SLC39A11: variants seen among roughly 807,000 people sequenced by gnomAD.
SLC39A11 encodes the protein solute carrier family 39 member 11.
Under a neutral mutation model 36.1 loss-of-function variants are expected in SLC39A11, and 33 were observed. The observed-to-expected ratio is 0.91, with a 90% confidence interval of 0.69 to 1.22. The LOEUF (loss-of-function observed/expected upper bound fraction) is 1.22. Among genes scored for constraint, SLC39A11 ranks in the 50% most tolerant of loss-of-function variants. SLC39A11 has a pLI of 0.00. For synonymous variants in SLC39A11, 166 were observed against 170.3 expected (o/e 0.97, Z 0.20); for missense variants, 432 against 430.3 (o/e 1.00, Z -0.03).
At chr17:72,995,025 A>G (rs898227068) in intron 4 of SLC39A11, among the ~76,000 whole-genome samples, 1 of 152,160 alleles carries the variant, frequency 6.6e-6, no homozygotes, top group Non-Finnish European at 1.5e-5. Flanking sequence ...ACTAGCATCT[A>G]TGTCTCTTCT....
intron 5 of SLC39A11, among the ~76,000 whole-genome samples, chr17:72,916,049 T>A (rs2083311975): frequency 6.6e-6 from 1 of 152,220 alleles, no homozygotes; most frequent in African/African-American, 2.4e-5. Context: ...TGTGTGGAGC[T>A]GCTCCATCTT....
chr17:73,024,161 C>T (rs1598898651), intron 4 of SLC39A11, among the ~76,000 whole-genome samples: 2 of 152,214 alleles, frequency 1.3e-5, no homozygotes, highest in Admixed American at 6.5e-5. Context: ...CCCAATCCAC[C>T]CAACATGCCA....
At chr17:73,091,393 G>A (rs906518799) in intron 1 of SLC39A11, among the ~76,000 whole-genome samples, 5 of 151,942 alleles carry the variant, frequency 3.3e-5, no homozygotes, top group Admixed American at 6.6e-5. Flanking sequence ...GCAGTGAGCC[G>A]AGATCGCGCC....
chr17:72,741,738 G>A (rs1403505291), intron 6 of SLC39A11, among the ~76,000 whole-genome samples: 1 of 152,180 alleles, frequency 6.6e-6, no homozygotes, highest in African/African-American at 2.4e-5. Flanking sequence ...GCTGGTCTGA[G>A]AGACACAGGT....
intron 5 of SLC39A11, among the ~76,000 whole-genome samples, chr17:72,927,989 A>G (rs966654925): frequency 6.6e-6 from 1 of 152,176 alleles, no homozygotes; most frequent in Admixed American, 6.5e-5. Flanking sequence ...GGAAGAAACC[A>G]TCTCACTCTC....
chr17:72,882,805 T>TTTTTCTTTTTCTTTTTTC (rs1303977414), intron 5 of SLC39A11, among the ~76,000 whole-genome samples: 1 of 147,718 alleles, frequency 6.8e-6, no homozygotes, highest in Non-Finnish European at 1.5e-5. Flanking sequence ...TTCTTTTTTT[T>TTTTTCTTTTTCTTTTTTC]TTTTTTTTTG....
intron 6 of SLC39A11, among the ~76,000 whole-genome samples, chr17:72,793,383 T>C (rs1451664652): frequency 6.6e-6 from 1 of 152,094 alleles, no homozygotes; most frequent in Non-Finnish European, 1.5e-5. Flanking sequence ...CACCCCTCCC[T>C]ACTGTCTTTT....
At chr17:72,789,607 C>T (rs756240523) in intron 6 of SLC39A11, among the ~76,000 whole-genome samples, 1 of 152,200 alleles carries the variant, frequency 6.6e-6, no homozygotes, top group Non-Finnish European at 1.5e-5. Context: ...ATTGGTCACC[C>T]ACTGTGCAGG....
intron 4 of SLC39A11, among the ~76,000 whole-genome samples, chr17:72,956,252 G>C (rs184904478): frequency 6.6e-6 from 1 of 152,270 alleles, no homozygotes; most frequent in Admixed American, 6.5e-5. Flanking sequence ...AAACTATCTT[G>C]TGAGAGACAA....
intron 7 of SLC39A11, among the ~76,000 whole-genome samples, chr17:72,703,482 T>TG (rs1173597882): frequency 6.6e-6 from 1 of 151,888 alleles, no homozygotes; most frequent in Non-Finnish European, 1.5e-5. Flanking sequence ...AAAGGTAACA[T>TG]GGGGGGTTGG....
chr17:72,922,960 C>CAAAAAAAAAAAAA (rs10645750), intron 5 of SLC39A11, among the ~76,000 whole-genome samples: 10 of 44,078 alleles, frequency 2.3e-4, no homozygotes, highest in African/African-American at 2.8e-4. Context: ...GACTCCTTCT[C>CAAAAAAAAAAAAA]AAAAAAAAAA....
At chr17:72,938,837 T>C (rs1383203662) in intron 5 of SLC39A11, among the ~76,000 whole-genome samples, 1 of 152,216 alleles carries the variant, frequency 6.6e-6, no homozygotes, top group Non-Finnish European at 1.5e-5. Flanking sequence ...TGATAGAACC[T>C]GCTAACCAAG....
chr17:72,847,972 T>C (rs1400600207), intron 6 of SLC39A11, among the ~76,000 whole-genome samples: 1 of 152,208 alleles, frequency 6.6e-6, no homozygotes, highest in East Asian at 1.9e-4. Context: ...GGAAGATTAT[T>C]GCTCAAACTC....
At chr17:72,738,584 A>G (rs1263217872) in intron 6 of SLC39A11, among the ~76,000 whole-genome samples, 3 of 152,158 alleles carry the variant, frequency 2.0e-5, no homozygotes, top group Non-Finnish European at 4.4e-5. Flanking sequence ...GACCTGATCC[A>G]GTGGCCACGG....
intron 3 of SLC39A11, among the ~76,000 whole-genome samples, chr17:73,058,415 C>T (rs935382295): frequency 1.3e-5 from 2 of 152,164 alleles, no homozygotes; most frequent in African/African-American, 2.4e-5. Flanking sequence ...CTTCTGATCT[C>T]GTCTCCTGTG....
chr17:72,688,779 A>G (rs541822351), intron 7 of SLC39A11, among the ~76,000 whole-genome samples: 3 of 152,274 alleles, frequency 2.0e-5, no homozygotes, highest in African/African-American at 7.2e-5. Flanking sequence ...CTGGAACCAA[A>G]TTGCTGTCTC....
At position 72,698,983 on chromosome 17, in the gene SLC39A11, A is replaced by G. The variant is rs1354359702; in HGVS notation, c.671+37667T>C. 2.0e-5 allele frequency among the ~76,000 whole-genome samples: 3 copies of G among 152,016 alleles called. No individual in the cohort carries two copies. In the East Asian group the frequency reaches 5.8e-4, roughly 29 times the overall value. ...GTAGCTGGGACTACAGGCGCCCGCC[A>G]CCACACCTAGATAATTTTTGTATTT... On this transcript the variant is annotated intron_variant, in intron 7 of 9. Coordinates refer to ENST00000255559, the MANE Select transcript of SLC39A11 (RefSeq NM_139177.4).
chr17:73,007,561 G>A (rs918011661), intron 4 of SLC39A11, among the ~76,000 whole-genome samples: 7 of 152,158 alleles, frequency 4.6e-5, no homozygotes, highest in Non-Finnish European at 5.9e-5. Flanking sequence ...CCTGGCAGAG[G>A]GAGAACACGA....
intron 7 of SLC39A11, among the ~76,000 whole-genome samples, chr17:72,681,722 A>G (rs959972153): frequency 6.6e-6 from 1 of 152,210 alleles, no homozygotes; most frequent in African/African-American, 2.4e-5. Flanking sequence ...AGAGACAGCC[A>G]GACCAATACC....
Sources: gnomAD v4.1 joint callset for allele counts (sites outside exome capture counted in the v4.1 genomes callset) on GRCh38, gnomAD v4.1.1 for gene constraint, MANE v1.5 for transcripts, NCBI Gene and HGNC (gene_info 2026-07-23, HGNC 2026-07-21) for gene names.